Variants in ZNF800 observed in about 807,000 individuals in gnomAD.
ZNF800 encodes zinc finger protein 800.
In ZNF800, 13 loss-of-function variants were observed where a neutral mutation model predicts 59.5. The observed-to-expected ratio is 0.22, with a 90% CI of 0.14 to 0.35. ZNF800 has a LOEUF of 0.35. Ranked by LOEUF, ZNF800 falls within the 10% of genes least tolerant of loss-of-function variation. The pLI, the probability that ZNF800 is intolerant of heterozygous loss-of-function variation, is 1.00. For missense variants in ZNF800, 621 were observed against 783.7 expected, an observed-to-expected ratio of 0.79 and a Z score of 2.48; for synonymous variants, 266 against 265.7, an observed-to-expected ratio of 1.00 and a Z score of -0.01.
rs1221645383 is a variant in ZNF800 at position 127,392,151 on chromosome 7, G to T, written c.-150C>A. On this transcript the variant is annotated 5_prime_UTR_variant, in exon 1 of 6. Coordinates refer to ENST00000265827, the MANE Select transcript of ZNF800 (RefSeq NM_176814.5). ...AGCCTGGCGTGGGAGGCGGCTGCGG[G>T]CCCCACCTGGCGCAGCCTCCGCTGA... is the stretch of plus-strand genomic sequence containing the variant. 2 of 394,718 alleles carry T rather than the reference G, an allele frequency of 5.1e-6. No individual in the cohort carries two copies. Among genetic ancestry groups the T allele is most frequent in the African/African-American group, 2.1e-5 (1 of 48,376 alleles). The allele number at this position is 394,718 out of a possible 1,614,324, so 24.5% of individuals were successfully genotyped here.
At chr7:127,368,091 T>C (rs1006079831), downstream of ZNF800, among the ~76,000 whole-genome samples, 1 of 152,068 alleles carries the variant, frequency 6.6e-6, no homozygotes, top group South Asian at 2.1e-4. Flanking sequence ...AAAAACACTT[T>C]AGCTATCTTG....
chr7:127,386,482 C>T (rs1801142027), intron 2 of ZNF800, among the ~76,000 whole-genome samples: 1 of 152,174 alleles, frequency 6.6e-6, no homozygotes, highest in Non-Finnish European at 1.5e-5. Flanking sequence ...CCTTTTTATT[C>T]CCCTTGAAGA....
intron 2 of ZNF800, among the ~76,000 whole-genome samples, chr7:127,390,119 CT>C (rs1412597678): frequency 1.3e-5 from 2 of 151,944 alleles, no homozygotes; most frequent in Non-Finnish European, 2.9e-5. Flanking sequence ...AAATTTCTTC[CT>C]AAATAAGATG....
downstream of ZNF800, among the ~76,000 whole-genome samples, chr7:127,366,899 C>T (rs17864202): frequency 0.1 from 15,408 of 152,090 alleles, 1,019 homozygotes; most frequent in Middle Eastern, 0.26. Context: ...TCTAACTGGA[C>T]TAATTAGATT....
intron 3 of ZNF800, among the ~76,000 whole-genome samples, chr7:127,381,004 G>A (rs1800961686): frequency 6.6e-6 from 1 of 152,188 alleles, no homozygotes; most frequent in South Asian, 2.1e-4. Flanking sequence ...TGCATTGCAT[G>A]TACTGGTGAA....
intron 3 of ZNF800, among the ~76,000 whole-genome samples, chr7:127,378,744 GA>G (rs1800863658): frequency 6.6e-6 from 1 of 151,764 alleles, no homozygotes; most frequent in South Asian, 2.1e-4. Flanking sequence ...GAGAGAGAGA[GA>G]GGGAGATAAT....
intron 1 of ZNF800, among the ~76,000 whole-genome samples, chr7:127,353,504 T>A (rs572589250): frequency 6.6e-6 from 1 of 152,330 alleles, no homozygotes; most frequent in Non-Finnish European, 1.5e-5. Flanking sequence ...ATGATGGTGT[T>A]ATGAAAATAT....
At chr7:127,346,914 C>T (rs191753208) in exon 2 of ZNF800, 1 of 152,570 alleles carries the variant, frequency 6.6e-6, no homozygotes, top group East Asian at 1.9e-4. Flanking sequence ...CAGGTGTTTC[C>T]AAGCCAAACT....
At chr7:127,363,358 T>C (rs1367912733) in intron 1 of ZNF800, 1 of 151,852 alleles carries the variant, frequency 6.6e-6, no homozygotes, top group African/African-American at 2.4e-5. Flanking sequence ...AAAAAGACAT[T>C]AAGGAAACCT....
exon 2 of ZNF800, chr7:127,346,969 C>G (rs920521210): frequency 6.6e-6 from 1 of 152,530 alleles, no homozygotes; most frequent in Non-Finnish European, 1.5e-5. Context: ...GTGCCACCAC[C>G]AACACCCCGT....
chr7:127,392,035 C>T (rs1207461501), intron 1 of ZNF800, 25 bp downstream of exon 1: 1 of 388,358 alleles, frequency 2.6e-6, no homozygotes, highest in African/African-American at 2.1e-5. Flanking sequence ...GACCCCGTCC[C>T]CACAACCAAG....
chr7:127,364,879 T>C (rs1328141379), intron 1 of ZNF800: 1 of 152,030 alleles, frequency 6.6e-6, no homozygotes, highest in Non-Finnish European at 1.5e-5. Context: ...AAAGATGGGG[T>C]TGAAGGCTTA....
At position 127,363,098 on chromosome 7, in the gene ZNF800, GAAC is replaced by G. The variant is rs1479115020; in HGVS notation, n.224+10241_224+10243del. ...TAGGTAACCGGAAGGGTAGGGGTTAGAACAACTGAGACATGGAGCACATAGGAA... is the reference window on the plus strand; with the variant it reads ...TAGGTAACCGGAAGGGTAGGGGTTAGAACTGAGACATGGAGCACATAGGAA... On this transcript the variant is annotated intron_variant and non_coding_transcript_variant, in intron 1 of 1. Transcript: ENST00000485577. The G allele has an allele frequency of 3.9e-5, 6 of 152,290 alleles. No homozygotes were observed. The East Asian group carries it at 9.7e-4, about 25-fold the overall frequency. 9.4% of individuals were successfully genotyped at this position (152,290 alleles called of 1,614,324 possible). A position where few individuals can be genotyped will look rare whatever the true frequency, so the allele number is the denominator to read the frequency against.
chr7:127,377,408 A>G lies in ZNF800; in HGVS notation c.158-79T>C. On this transcript the variant is annotated intron_variant, in intron 3 of 5. Coordinates refer to ENST00000265827, the MANE Select transcript of ZNF800 (RefSeq NM_176814.5). This position sits in a 1 kb window ranked among gnomAD's most constrained non-coding sequence, Gnocchi z 4.7. ...CTTTTAAACTGGACAACCACTGTTG[A>G]CAGACCAAAAGTGCAGTTACTCTTT... The G allele has an allele frequency of 8.0e-7, 1 of 1,243,044 alleles. No homozygotes were observed. The highest frequency in any genetic ancestry group is 1.1e-6 in the Non-Finnish European group (1 of 904,260). 77.0% of individuals were successfully genotyped at this position (1,243,044 alleles called of 1,614,324 possible).
Position 127,392,082 on chromosome 7 carries a change from G to A in ZNF800, c.-81C>T, listed in dbSNP as rs1280992259. ...TACTCAACTCTTAGGGCGGGCCGGCGGGCGGGCGGAAGGAAGGAAGGCAGG... is the reference window on the plus strand; with the variant it reads ...TACTCAACTCTTAGGGCGGGCCGGCAGGCGGGCGGAAGGAAGGAAGGCAGG... On this transcript the variant is annotated 5_prime_UTR_variant, in exon 1 of 6. Coordinates refer to ENST00000265827, the MANE Select transcript of ZNF800 (RefSeq NM_176814.5). 2 of 388,738 alleles carry A rather than the reference G, an allele frequency of 5.1e-6. No homozygotes were observed. Among genetic ancestry groups the A allele is most frequent in the Non-Finnish European group, 9.0e-6 (2 of 221,824 alleles). 24.1% of individuals were successfully genotyped at this position (388,738 alleles called of 1,614,324 possible).
At position 127,392,216 on chromosome 7, in the gene ZNF800, A is replaced by G. The variant is rs1163067413; in HGVS notation, c.-215T>C. 5.1e-6 allele frequency: 2 copies of G among 394,532 alleles called. No homozygotes were observed. The highest frequency in any genetic ancestry group is 4.4e-5 in the Admixed American group (1 of 22,548). 24.4% of individuals were successfully genotyped at this position (394,532 alleles called of 1,614,324 possible). A position where few individuals can be genotyped will look rare whatever the true frequency, so the allele number is the denominator to read the frequency against. ...CCGGACTCGGGCCCGACGCGCTCCC[A>G]AAGAGTCCCCGCCGGCGCTGACGCG... On this transcript the variant is annotated 5_prime_UTR_variant, in exon 1 of 6. Transcript: ENST00000265827.
intron 4 of ZNF800, 77 bp from the exon 5 acceptor site, chr7:127,375,111 G>A: frequency 1.7e-6 from 2 of 1,204,724 alleles, no homozygotes; most frequent in Non-Finnish European, 2.2e-6. Context: ...GATATATTAT[G>A]AACCTCTATC....
chr7:127,375,750 C>T (rs1348645941), intron 4 of ZNF800, among the ~76,000 whole-genome samples: 1 of 151,922 alleles, frequency 6.6e-6, no homozygotes. Flanking sequence ...CCTATTGTAA[C>T]AGAGTTGTCT....
At chr7:127,382,467 T>C (rs1411731618) in intron 3 of ZNF800, among the ~76,000 whole-genome samples, 1 of 152,170 alleles carries the variant, frequency 6.6e-6, no homozygotes, top group Non-Finnish European at 1.5e-5. Context: ...GAAAGTGTTA[T>C]AGAGAGGAGG....
Sources: allele counts gnomAD v4.1 joint callset (sites outside exome capture counted in the v4.1 genomes callset), GRCh38; gene constraint gnomAD v4.1.1; non-coding constraint Gnocchi (gnomAD v3.1); transcripts MANE v1.5; gene names NCBI Gene and HGNC (gene_info 2026-07-23, HGNC 2026-07-21).